Variants in CUX1 observed in about 807,000 individuals in gnomAD.
CUX1 encodes the protein protein CASP.
In CUX1, 31 loss-of-function variants were observed where a neutral mutation model predicts 158.8. That is an observed-to-expected ratio of 0.20 (90% confidence interval 0.15 to 0.26). The LOEUF (loss-of-function observed/expected upper bound fraction) is 0.26, where lower values mean the gene tolerates loss of function less well. CUX1 is among the 10% of genes least tolerant of loss of function. The pLI is 1.00. For synonymous variants in CUX1, 879 were observed against 862.1 expected (o/e 1.02, Z -0.34); for missense variants, 1,589 against 2,014.6 (o/e 0.79, Z 4.04).
At chr7:101,832,598 T>A (rs974158957) in intron 1 of CUX1, among the ~76,000 whole-genome samples, 3 of 152,198 alleles carry the variant, frequency 2.0e-5, no homozygotes, top group Admixed American at 6.5e-5. Flanking sequence ...TATTCATCCC[T>A]ATTTGCTTTC....
At chr7:101,973,858 T>G (rs1435084563) in intron 2 of CUX1, among the ~76,000 whole-genome samples, 1 of 148,682 alleles carries the variant, frequency 6.7e-6, no homozygotes, top group Non-Finnish European at 1.5e-5. Flanking sequence ...AACCTCCACC[T>G]CCCAGGTTCA....
chr7:102,186,003 C>T (rs187490830), intron 11 of CUX1, among the ~76,000 whole-genome samples: 157 of 152,302 alleles, frequency 1.0e-3, no homozygotes, highest in African/African-American at 3.6e-3. Context: ...CCAGCGGTAG[C>T]GTGACCTGAC....
At chr7:102,044,264 A>G (rs911810680) in intron 3 of CUX1, among the ~76,000 whole-genome samples, 37 of 151,916 alleles carry the variant, frequency 2.4e-4, no homozygotes, top group Admixed American at 4.6e-4. Flanking sequence ...ATCTTGGCTC[A>G]CTGCAACCTC....
intron 11 of CUX1, among the ~76,000 whole-genome samples, chr7:102,184,619 A>G (rs1793453240): frequency 6.6e-6 from 1 of 152,182 alleles, no homozygotes; most frequent in South Asian, 2.1e-4. Context: ...TGTAAAGCCC[A>G]CGTGTGTTCC....
chr7:101,870,631 A>G (rs1798428497), intron 1 of CUX1, among the ~76,000 whole-genome samples: 1 of 152,128 alleles, frequency 6.6e-6, no homozygotes, highest in African/African-American at 2.4e-5. Flanking sequence ...CTCTTCTCAG[A>G]TTATTTCTTG....
chr7:101,873,425 C>T (rs1019159167), intron 1 of CUX1, among the ~76,000 whole-genome samples: 1 of 145,348 alleles, frequency 6.9e-6, no homozygotes, highest in African/African-American at 2.6e-5. Flanking sequence ...TGGCCTAAAG[C>T]GATCCTCCCA....
intron 4 of CUX1, among the ~76,000 whole-genome samples, chr7:102,074,091 C>G (rs1826440731): frequency 6.6e-6 from 1 of 152,184 alleles, no homozygotes. Context: ...GTGGCTGAGG[C>G]TTACAGGAAG....
intron 21 of CUX1, among the ~76,000 whole-genome samples, chr7:102,231,029 T>G (rs1191093255): frequency 2.0e-3 from 4 of 1,962 alleles, no homozygotes; most frequent in Non-Finnish European, 7.4e-3. Flanking sequence ...CCGGCTATTT[T>G]TTTTTTTTTT....
intron 11 of CUX1, among the ~76,000 whole-genome samples, chr7:102,179,808 G>A (rs550227889): frequency 1.3e-5 from 2 of 152,342 alleles, no homozygotes; most frequent in Admixed American, 1.3e-4. Flanking sequence ...CCCAGGCCAG[G>A]GGTTCCCTGC....
intron 1 of CUX1, among the ~76,000 whole-genome samples, chr7:101,851,249 C>T (rs1057014802): frequency 1.3e-5 from 2 of 152,126 alleles, no homozygotes; most frequent in African/African-American, 4.8e-5. Flanking sequence ...TAATGTATGC[C>T]TAAACTCTCC....
At chr7:102,040,768 G>C (rs1390762346) in intron 3 of CUX1, among the ~76,000 whole-genome samples, 1 of 152,192 alleles carries the variant, frequency 6.6e-6, no homozygotes, top group Admixed American at 6.5e-5. Context: ...ATTTCACAGG[G>C]AGCCAGTCCA....
chr7:102,244,824 C>G (rs1371176407), intron 23 of CUX1, among the ~76,000 whole-genome samples: 5 of 152,160 alleles, frequency 3.3e-5, no homozygotes, highest in African/African-American at 1.2e-4. Context: ...GATTCTGAAC[C>G]CTCGCAGCCA....
Position 102,252,976 on chromosome 7 carries a change from C to G in CUX1, c.*3934C>G, listed in dbSNP as rs1554540728. ...CATGGGAGAACTCTCTGAGAAATGC[C>G]AGGATCGTGGCTCACAGGGACCCAC... On this transcript the variant is annotated 3_prime_UTR_variant, in exon 24 of 24. Transcript: ENST00000292535. 1 of 985,414 alleles carries G rather than the reference C, an allele frequency of 1.0e-6. No individual in the cohort carries two copies. The highest frequency in any genetic ancestry group is 1.2e-6 in the Non-Finnish European group (1 of 829,942). The allele number at this position is 985,414 out of a possible 1,614,324, so 61.0% of individuals were successfully genotyped here.
At position 102,119,654 on chromosome 7, in the gene CUX1, G is replaced by A. The variant is rs868928273; in HGVS notation, c.674+4381G>A. 3.1e-4 allele frequency among the ~76,000 whole-genome samples: 47 copies of A among 152,276 alleles called. No homozygotes were observed. In the Middle Eastern group the frequency reaches 0.01, roughly 33 times the overall value. ...CAGTTGTTGTGTAAGAGGATTGCAA[G>A]GTTTCCGATTATAACCATTTCTGGG... is the stretch of plus-strand genomic sequence containing the variant. On this transcript the variant is annotated intron_variant, in intron 8 of 23. Transcript: ENST00000292535.
intron 3 of CUX1, among the ~76,000 whole-genome samples, chr7:102,051,292 C>G (rs187014743): frequency 6.6e-6 from 1 of 152,044 alleles, no homozygotes; most frequent in Non-Finnish European, 1.5e-5. Context: ...AAAACTTGCC[C>G]TAAGTTTGCA....
At chr7:101,959,073 T>C (rs778879195) in intron 2 of CUX1, among the ~76,000 whole-genome samples, 12 of 151,970 alleles carry the variant, frequency 7.9e-5, no homozygotes, top group Non-Finnish European at 1.2e-4. Flanking sequence ...TTGCCTAAGC[T>C]GGTCTCAAAT....
chr7:102,136,336 A>C (rs1225215027), intron 8 of CUX1, among the ~76,000 whole-genome samples: 2 of 151,934 alleles, frequency 1.3e-5, no homozygotes, highest in Admixed American at 6.6e-5. Context: ...AAAAAACAAC[A>C]ACCTTTAGTA....
At chr7:102,129,322 G>C (rs1832972281) in intron 8 of CUX1, among the ~76,000 whole-genome samples, 1 of 152,144 alleles carries the variant, frequency 6.6e-6, no homozygotes, top group Non-Finnish European at 1.5e-5. Context: ...ACTAAATGTG[G>C]TGGCCAAAAG....
downstream of CUX1, among the ~76,000 whole-genome samples, chr7:102,259,523 GGTTACGGT>G (rs1790217915): frequency 6.6e-6 from 1 of 152,148 alleles, no homozygotes; most frequent in African/African-American, 2.4e-5. Flanking sequence ...GGGAGGCAGA[GGTTACGGT>G]GAGCCGAGAT....
Sources: allele counts gnomAD v4.1 joint callset (sites outside exome capture counted in the v4.1 genomes callset), GRCh38; gene constraint gnomAD v4.1.1; transcripts MANE v1.5; gene names NCBI Gene and HGNC (gene_info 2026-07-23, HGNC 2026-07-21).